The following CAB39 variants were observed in gnomAD, a reference collection of about 807,000 sequenced individuals.
CAB39 encodes the protein calcium binding protein 39.
In CAB39, 8 loss-of-function variants were observed where a neutral mutation model predicts 40.0. The observed-to-expected ratio is 0.20, with a 90% CI of 0.12 to 0.36. The LOEUF (loss-of-function observed/expected upper bound fraction) is 0.36, where lower values mean the gene tolerates loss of function less well. Among genes scored for constraint, CAB39 ranks in the 10% least tolerant of loss-of-function variants. The pLI, the probability that CAB39 is intolerant of heterozygous loss-of-function variation, is 1.00. For missense variants in CAB39, 270 were observed against 401.1 expected (o/e 0.67, Z 2.79); for synonymous variants, 156 against 141.6 (o/e 1.10, Z -0.72).
At chr2:230,769,840 G>A (rs1214734074) in intron 2 of CAB39, among the ~76,000 whole-genome samples, 1 of 150,914 alleles carries the variant, frequency 6.6e-6, no homozygotes, top group African/African-American at 2.4e-5. Flanking sequence ...AAAAAAAAAG[G>A]GCCGGGACTC....
intron 1 of CAB39, among the ~76,000 whole-genome samples, chr2:230,739,208 A>G (rs1694835454): frequency 6.6e-6 from 1 of 152,250 alleles, no homozygotes; most frequent in African/African-American, 2.4e-5. Context: ...AAATTTAACC[A>G]GAAGGAAAAT....
intron 2 of CAB39, among the ~76,000 whole-genome samples, chr2:230,775,832 A>G (rs187753220): frequency 8.8e-4 from 134 of 152,208 alleles, no homozygotes; most frequent in African/African-American, 3.0e-3. Context: ...TAGGAGTCAA[A>G]CCTTGTCCCC....
intron 2 of CAB39, among the ~76,000 whole-genome samples, chr2:230,768,459 C>T (rs1262096001): frequency 6.6e-6 from 1 of 152,150 alleles, no homozygotes; most frequent in Admixed American, 6.6e-5. Context: ...GATAAATAAT[C>T]ATAACTGATG....
At position 230,786,129 on chromosome 2, in the gene CAB39, A is replaced by C. The variant is rs1281010048; in HGVS notation, c.115-4743A>C. 3.7e-5 allele frequency among the ~76,000 whole-genome samples: 5 copies of C among 136,344 alleles called. No individual in the cohort carries two copies. The South Asian group carries it at 7.2e-4, about 20-fold the overall frequency. The allele number at this position is 136,344 out of a possible 152,430, so 89.4% of individuals were successfully genotyped here. ...CAGTGAGCCAAGATTGCGCCACTGC[A>C]CTCCAGCCTGGGTGACAGAGCAAGA... is the stretch of plus-strand genomic sequence containing the variant. On this transcript the variant is annotated intron_variant, in intron 2 of 8. Transcript: ENST00000258418.
chr2:230,772,633 C>T (rs529299160), intron 2 of CAB39, among the ~76,000 whole-genome samples: 2 of 152,160 alleles, frequency 1.3e-5, no homozygotes, highest in East Asian at 1.9e-4. Context: ...TACAGGTGCC[C>T]ACCAAGACGC....
intron 5 of CAB39, among the ~76,000 whole-genome samples, chr2:230,805,186 G>A (rs1368498553): frequency 6.7e-6 from 1 of 149,680 alleles, no homozygotes; most frequent in Non-Finnish European, 1.5e-5. Context: ...TCATAGGTGC[G>A]AATTGAACAA....
rs555144903 is a variant in CAB39 at position 230,773,298 on chromosome 2, G to GTA, written c.114+13199_114+13200dup. On this transcript the variant is annotated intron_variant, in intron 2 of 8. Transcript: ENST00000258418. ...TCTTGATGGTTTCATGGGTGTATGT[G>GTA]TATATATATATATATATGTGTGTGT... Among the ~76,000 whole-genome samples the GTA allele has an allele frequency of 6.8e-3, 864 of 127,806 alleles. 16 individuals are homozygous for GTA. Among genetic ancestry groups the GTA allele is most frequent in the African/African-American group, 0.019 (573 of 30,548 alleles). 83.8% of individuals were successfully genotyped at this position (127,806 alleles called of 152,430 possible).
chr2:230,786,850 A>C (rs897800870), intron 2 of CAB39, among the ~76,000 whole-genome samples: 2 of 152,184 alleles, frequency 1.3e-5, no homozygotes, highest in African/African-American at 4.8e-5. Flanking sequence ...GTAAGAGAAC[A>C]CCTACTATTG....
intron 1 of CAB39, among the ~76,000 whole-genome samples, chr2:230,726,565 C>T (rs544071033): frequency 6.6e-5 from 10 of 152,220 alleles, no homozygotes; most frequent in African/African-American, 1.7e-4. Context: ...ACATTAGTCA[C>T]AGGTACAGTG....
intron 1 of CAB39, among the ~76,000 whole-genome samples, chr2:230,728,400 C>T (rs1466219898): frequency 6.6e-6 from 1 of 151,888 alleles, no homozygotes; most frequent in African/African-American, 2.4e-5. Flanking sequence ...AACTCTTCCA[C>T]CCAAGTTCAA....
intron 2 of CAB39, among the ~76,000 whole-genome samples, chr2:230,787,869 C>G (rs1247626400): frequency 6.6e-6 from 1 of 152,206 alleles, no homozygotes; most frequent in South Asian, 2.1e-4. Context: ...ATTGCCTGAT[C>G]TGCAGTACAA....
chr2:230,747,078 A>T (rs2466159), intron 1 of CAB39, among the ~76,000 whole-genome samples: 2 of 152,030 alleles, frequency 1.3e-5, no homozygotes, highest in South Asian at 2.1e-4. Context: ...AGAGGCCTGG[A>T]GTGGTAGCTC....
chr2:230,761,060 AT>A (rs60147780), intron 2 of CAB39, among the ~76,000 whole-genome samples: 2,560 of 142,738 alleles, frequency 0.018, 31 homozygotes, highest in Non-Finnish European at 0.023. Context: ...CAGAGTTTGG[AT>A]TTTTTTTTTT....
chr2:230,729,743 GAAAA>G (rs74770314), intron 1 of CAB39, among the ~76,000 whole-genome samples: 2 of 126,162 alleles, frequency 1.6e-5, no homozygotes, highest in African/African-American at 2.9e-5. Flanking sequence ...CTGTCTTAAG[GAAAA>G]AAAAAAAAAA....
intron 2 of CAB39, among the ~76,000 whole-genome samples, chr2:230,775,657 A>C (rs781474464): frequency 1.3e-5 from 2 of 152,088 alleles, no homozygotes; most frequent in Non-Finnish European, 2.9e-5. Context: ...TATTTCTAAA[A>C]AGATGACTTA....
chr2:230,810,263 G>C lies in CAB39; in HGVS notation c.568G>C (p.Asp190His). The part of the protein sequence containing the change: ...IASDAFATFK[D>H]LLTRHKLLSA... Reference sequence around the variant, plus strand: ...AAACAATTTTTTTTTCTTTTTGTAGGATTTACTTACAAGACATAAATTGCT... The same window carrying C: ...AAACAATTTTTTTTTCTTTTTGTAGCATTTACTTACAAGACATAAATTGCT... Residue 190 changes from aspartate to histidine, a missense_variant and splice_region_variant, in exon 6 of 9, where the codon GAT becomes CAT. By Grantham distance (81) the Asp-to-His change is moderately conservative (BLOSUM62 -1). Coordinates refer to ENST00000258418, the MANE Select transcript of CAB39 (RefSeq NM_016289.4). The C allele has an allele frequency of 7.0e-7, 1 of 1,434,284 alleles. No homozygotes were observed. Among genetic ancestry groups the C allele is most frequent in the Non-Finnish European group, 9.5e-7 (1 of 1,047,162 alleles). The allele number at this position is 1,434,284 out of a possible 1,614,324, so 88.8% of individuals were successfully genotyped here.
chr2:230,730,274 A>T (rs1466053836), intron 1 of CAB39, among the ~76,000 whole-genome samples: 1 of 151,864 alleles, frequency 6.6e-6, no homozygotes, highest in Admixed American at 6.6e-5. Flanking sequence ...ACACCGAGTT[A>T]ATTTTTGTAG....
At chr2:230,762,831 T>G (rs183145727) in intron 2 of CAB39, among the ~76,000 whole-genome samples, 1 of 152,292 alleles carries the variant, frequency 6.6e-6, no homozygotes, top group Non-Finnish European at 1.5e-5. Flanking sequence ...CCGTTCTAAT[T>G]AAGAAAGCTG....
chr2:230,726,001 G>T (rs950179507), intron 1 of CAB39, among the ~76,000 whole-genome samples: 1 of 152,066 alleles, frequency 6.6e-6, no homozygotes, highest in Admixed American at 6.6e-5. Context: ...TTTTTAGTAG[G>T]ATTCTATTAA....
Sources: gnomAD v4.1 joint callset for allele counts (sites outside exome capture counted in the v4.1 genomes callset) on GRCh38, gnomAD v4.1.1 for gene constraint, MANE v1.5 for transcripts, NCBI Gene and HGNC (gene_info 2026-07-23, HGNC 2026-07-21) for gene names.